Variants in PTPRD observed in about 807,000 individuals in gnomAD.
The protein encoded by PTPRD is receptor-type tyrosine-protein phosphatase delta.
PTPRD carries 34 observed loss-of-function variants against 214.5 expected under a neutral mutation model. The ratio of observed to expected loss-of-function variants is 0.16; its 90% CI spans 0.12 to 0.21. The LOEUF is 0.21. Among genes scored for constraint, PTPRD ranks in the 10% least tolerant of loss-of-function variants. The pLI is 1.00. For synonymous variants in PTPRD, 1,128 were observed against 845.7 expected, an observed-to-expected ratio of 1.33 and a Z score of -5.79; for missense variants, 2,545 against 2,398.7, an observed-to-expected ratio of 1.06 and a Z score of -1.27.
At position 9,285,333 on chromosome 9, in the gene PTPRD, T is replaced by G. The variant is rs1427681640; in HGVS notation, c.-202-101970A>C. Among the ~76,000 whole-genome samples the G allele has an allele frequency of 2.0e-5, 3 of 151,814 alleles. No individual in the cohort carries two copies. In the Admixed American group the frequency reaches 2.0e-4, roughly 10 times the overall value. ...CTCCATCACATTTTCCTCTATTTCC[T>G]ATAATGCTAATTGCTCTTCCTCTGA... On this transcript the variant is annotated intron_variant, in intron 9 of 45. Coordinates refer to ENST00000381196, the MANE Select transcript of PTPRD (RefSeq NM_002839.4).
intron 2 of PTPRD, among the ~76,000 whole-genome samples, chr9:10,564,606 G>A (rs2065077229): frequency 6.6e-6 from 1 of 152,018 alleles, no homozygotes; most frequent in Non-Finnish European, 1.5e-5. Flanking sequence ...CAACATCCCT[G>A]TTGAATCCAT....
At chr9:10,360,106 T>A (rs988092864) in intron 2 of PTPRD, among the ~76,000 whole-genome samples, 1 of 152,188 alleles carries the variant, frequency 6.6e-6, no homozygotes, top group Non-Finnish European at 1.5e-5. Flanking sequence ...TTGTCATAAT[T>A]TGTCCTACTG....
At chr9:9,503,492 G>T (rs550424462) in intron 8 of PTPRD, among the ~76,000 whole-genome samples, 1 of 151,702 alleles carries the variant, frequency 6.6e-6, no homozygotes, top group South Asian at 2.1e-4. Flanking sequence ...GCTCATAACT[G>T]TAAGACCAGA....
At chr9:9,601,524 G>C (rs2093769473) in intron 7 of PTPRD, among the ~76,000 whole-genome samples, 1 of 152,020 alleles carries the variant, frequency 6.6e-6, no homozygotes, top group Admixed American at 6.6e-5. Flanking sequence ...ATAAAACCAT[G>C]AACAATCTAT....
chr9:10,343,777 T>C (rs1317590143), intron 2 of PTPRD, among the ~76,000 whole-genome samples: 2 of 152,110 alleles, frequency 1.3e-5, no homozygotes, highest in Non-Finnish European at 2.9e-5. Context: ...AAATGTCTTC[T>C]TTTGAGAAGT....
rs531885651 is a variant in PTPRD, at chr9:9,909,145, C to T, written c.-368+29362G>A. Among the ~76,000 whole-genome samples, 4 of 151,844 alleles carry T rather than the reference C, an allele frequency of 2.6e-5. No homozygotes were observed. In the East Asian group the frequency reaches 7.7e-4, roughly 29 times the overall value. On this transcript the variant is annotated intron_variant, in intron 5 of 45. Transcript: ENST00000381196. ...GAGTAGATGTAATGATTTTTGATTG[C>T]TGATATACATATTTTGTTCATCAAA...
intron 11 of PTPRD, among the ~76,000 whole-genome samples, chr9:8,909,235 C>G (rs534288836): frequency 6.6e-6 from 1 of 152,076 alleles, no homozygotes; most frequent in African/African-American, 2.4e-5. Context: ...AAATAGAAGA[C>G]AGAACACTCC....
Position 10,337,715 on chromosome 9 carries a change from A to T in PTPRD, c.-545+3248T>A, listed in dbSNP as rs183286159. ...TGTGTCAGGAACTTTACCTGCATTA[A>T]CTTAATTAACACTTAGAGCCAGTCT... On this transcript the variant is annotated intron_variant, in intron 3 of 45. Coordinates refer to ENST00000381196, the MANE Select transcript of PTPRD (RefSeq NM_002839.4). Among the ~76,000 whole-genome samples, 220 of 151,830 alleles carry T rather than the reference A, an allele frequency of 1.4e-3. 1 individual carries two copies. Among genetic ancestry groups the T allele is most frequent in the South Asian group, 0.013 (61 of 4,822 alleles).
At chr9:9,911,595 T>C (rs2079204594) in intron 5 of PTPRD, among the ~76,000 whole-genome samples, 1 of 152,112 alleles carries the variant, frequency 6.6e-6, no homozygotes, top group Non-Finnish European at 1.5e-5. Flanking sequence ...AAACAATTAT[T>C]TCATTTTCAT....
At chr9:9,731,239 A>C (rs975226637) in intron 7 of PTPRD, among the ~76,000 whole-genome samples, 1 of 152,070 alleles carries the variant, frequency 6.6e-6, no homozygotes, top group Non-Finnish European at 1.5e-5. Flanking sequence ...AATGTATTTA[A>C]TTTGGAATCT....
At chr9:9,118,810 C>A (rs2099814753) in intron 10 of PTPRD, among the ~76,000 whole-genome samples, 1 of 152,192 alleles carries the variant, frequency 6.6e-6, no homozygotes, top group South Asian at 2.1e-4. Flanking sequence ...GGATGAAGTA[C>A]TTATTCTACC....
chr9:10,298,440 A>C (rs1296218006), intron 3 of PTPRD, among the ~76,000 whole-genome samples: 2 of 152,128 alleles, frequency 1.3e-5, no homozygotes, highest in African/African-American at 4.8e-5. Context: ...CGATAAAAGA[A>C]TATGTTAGAG....
Position 9,644,677 on chromosome 9 carries a change from C to T in PTPRD, c.-286-69896G>A, listed in dbSNP as rs547664034. ...GGAAACTATGGCCCCTAAATGAGAA[C>T]AGTTATCCCCATTTTCCAGCCAAAA... is the stretch of plus-strand genomic sequence containing the variant. On this transcript the variant is annotated intron_variant, in intron 7 of 45. Transcript: ENST00000381196. Among the ~76,000 whole-genome samples, 4 of 151,614 alleles carry T rather than the reference C, an allele frequency of 2.6e-5. No homozygotes were observed. In the East Asian group the frequency reaches 5.9e-4, roughly 22 times the overall value.
intron 35 of PTPRD, among the ~76,000 whole-genome samples, chr9:8,434,670 T>C (rs1410250255): frequency 2.0e-5 from 3 of 152,074 alleles, no homozygotes; most frequent in Non-Finnish European, 2.9e-5. Context: ...TATGAAAAAA[T>C]ATCACATGGC....
chr9:8,590,891 G>T (rs986293160), intron 14 of PTPRD, among the ~76,000 whole-genome samples: 1 of 152,150 alleles, frequency 6.6e-6, no homozygotes, highest in Non-Finnish European at 1.5e-5. Flanking sequence ...CTGGAGGTCA[G>T]AAGTCCCATA....
chr9:10,144,222 T>G (rs1048528351), intron 3 of PTPRD, among the ~76,000 whole-genome samples: 1 of 152,162 alleles, frequency 6.6e-6, no homozygotes, highest in African/African-American at 2.4e-5. Flanking sequence ...CACAATTAGA[T>G]CAGTGCAGTC....
intron 8 of PTPRD, among the ~76,000 whole-genome samples, chr9:9,563,079 T>A (rs1188770170): frequency 6.6e-6 from 1 of 152,198 alleles, no homozygotes; most frequent in Non-Finnish European, 1.5e-5. Context: ...ATTGTATGGT[T>A]ATAATTGTAC....
intron 3 of PTPRD, among the ~76,000 whole-genome samples, chr9:10,244,228 T>C (rs961141597): frequency 1.6e-4 from 24 of 152,114 alleles, no homozygotes; most frequent in African/African-American, 5.5e-4. Flanking sequence ...TTCTTTTACA[T>C]CAAACATACA....
At chr9:9,624,082 T>C (rs969424944) in intron 7 of PTPRD, among the ~76,000 whole-genome samples, 13 of 152,234 alleles carry the variant, frequency 8.5e-5, no homozygotes, top group Non-Finnish European at 1.8e-4. Flanking sequence ...ATGATCGTCA[T>C]AATCAAATGT....
Sources: allele counts gnomAD v4.1 joint callset (sites outside exome capture counted in the v4.1 genomes callset), GRCh38; gene constraint gnomAD v4.1.1; transcripts MANE v1.5; gene names NCBI Gene and HGNC (gene_info 2026-07-23, HGNC 2026-07-21).